The following CNMD variants were observed in gnomAD, a reference collection of about 807,000 sequenced individuals.
CNMD encodes the protein leukocyte cell-derived chemotaxin 1.
Under a neutral mutation model 37.5 loss-of-function variants are expected in CNMD, and 30 were observed. That is an observed-to-expected ratio of 0.80 (90% CI 0.60 to 1.09). The LOEUF is 1.09. Among genes scored for constraint, CNMD ranks in the 50% least tolerant of loss-of-function variants. The pLI is 0.00. For synonymous variants in CNMD, 167 were observed against 148.2 expected, an observed-to-expected ratio of 1.13 and a Z score of -0.92; for missense variants, 398 against 423.9, an observed-to-expected ratio of 0.94 and a Z score of 0.54.
Position 52,703,526 on chromosome 13 carries a change from G to A in CNMD, c.*69C>T. ...TTTGTGGTCCTATCAGCATCAACCT[G>A]CCTTAATGCTTCTTTGGTTGTCTCT... On this transcript the variant is annotated 3_prime_UTR_variant, in exon 7 of 7. Coordinates refer to ENST00000377962, the MANE Select transcript of CNMD (RefSeq NM_007015.3). 1 of 1,101,346 alleles carries A rather than the reference G, an allele frequency of 9.1e-7. No homozygotes were observed. Among genetic ancestry groups the A allele is most frequent in the Non-Finnish European group, 1.4e-6 (1 of 728,332 alleles). 68.2% of individuals were successfully genotyped at this position (1,101,346 alleles called of 1,614,324 possible).
intron 3 of CNMD, among the ~76,000 whole-genome samples, chr13:52,726,681 G>A (rs1210998851): frequency 6.6e-6 from 1 of 152,004 alleles, no homozygotes; most frequent in African/African-American, 2.4e-5. Flanking sequence ...GACACAGGAA[G>A]CATGAAAAAG....
intron 4 of CNMD, among the ~76,000 whole-genome samples, chr13:52,716,418 T>C (rs1015049145): frequency 3.9e-5 from 6 of 152,216 alleles, no homozygotes; most frequent in African/African-American, 1.4e-4. Context: ...CATGAAGTCT[T>C]TGCCCATGCC....
At chr13:52,733,837 T>C (rs759514116) in intron 2 of CNMD, among the ~76,000 whole-genome samples, 9 of 152,234 alleles carry the variant, frequency 5.9e-5, no homozygotes, top group Non-Finnish European at 1.2e-4. Flanking sequence ...ACGTCTGCAG[T>C]GGCACCTCAG....
chr13:52,726,481 TCA>T (rs1797120202), intron 3 of CNMD, among the ~76,000 whole-genome samples: 1 of 148,286 alleles, frequency 6.7e-6, no homozygotes, highest in African/African-American at 2.5e-5. Flanking sequence ...CCAAGAAAAA[TCA>T]CAGACACCAC....
In CNMD at chr13:52,708,709, A is replaced by T. The variant is rs773592232; in HGVS notation, c.623-7T>A. On this transcript the variant is annotated splice_region_variant and splice_polypyrimidine_tract_variant and intron_variant, in intron 5 of 6. Transcript: ENST00000377962. Reference sequence around the variant, plus strand: ...CTTCTTTCCCTCTGGATTTCTGCAAAAATTTCTGTAAATTAATCCCTTTAT... The same window carrying T: ...CTTCTTTCCCTCTGGATTTCTGCAATAATTTCTGTAAATTAATCCCTTTAT... 9 of 1,581,124 alleles carry T rather than the reference A, an allele frequency of 5.7e-6. No homozygotes were observed. The Admixed American group carries it at 1.7e-4, about 30-fold the overall frequency.
chr13:52,712,418 T>G (rs1276110945), intron 5 of CNMD, among the ~76,000 whole-genome samples: 1 of 152,170 alleles, frequency 6.6e-6, no homozygotes, highest in African/African-American at 2.4e-5. Context: ...ACAACTGAGA[T>G]AAAGGGGCAG....
chr13:52,728,493 C>A (rs958930866), intron 3 of CNMD, among the ~76,000 whole-genome samples: 8 of 152,214 alleles, frequency 5.3e-5, no homozygotes, highest in African/African-American at 1.9e-4. Context: ...TTCTAACAAG[C>A]CAAGTGATGC....
intron 2 of CNMD, 107 bp downstream of exon 2, chr13:52,738,924 G>A: frequency 3.6e-6 from 4 of 1,105,578 alleles, no homozygotes; most frequent in Non-Finnish European, 3.5e-6. Flanking sequence ...CGCTGGGCCC[G>A]AGGGGCCCGC....
At chr13:52,715,225 A>G (rs1048169295) in intron 4 of CNMD, among the ~76,000 whole-genome samples, 2 of 152,026 alleles carry the variant, frequency 1.3e-5, no homozygotes, top group African/African-American at 4.8e-5. Context: ...ACTAGGTCTT[A>G]TTTAGTTTTT....
intron 2 of CNMD, among the ~76,000 whole-genome samples, chr13:52,735,288 G>A (rs981106674): frequency 6.6e-6 from 1 of 152,144 alleles, no homozygotes; most frequent in African/African-American, 2.4e-5. Context: ...GTGTTCATAT[G>A]GGTCAGTGAT....
intron 4 of CNMD, among the ~76,000 whole-genome samples, chr13:52,713,498 T>C (rs1964324304): frequency 1.3e-5 from 2 of 152,212 alleles, no homozygotes; most frequent in Admixed American, 6.5e-5. Context: ...GGAGACAAAT[T>C]TATCCTGCCA....
chr13:52,708,053 C>T (rs1964218056), intron 6 of CNMD, among the ~76,000 whole-genome samples: 1 of 151,938 alleles, frequency 6.6e-6, no homozygotes, highest in South Asian at 2.1e-4. Context: ...AGGCGATTCC[C>T]AGGCAGTGAA....
intron 6 of CNMD, among the ~76,000 whole-genome samples, chr13:52,704,368 A>G (rs1398508071): frequency 6.6e-6 from 1 of 152,202 alleles, no homozygotes; most frequent in Non-Finnish European, 1.5e-5. Flanking sequence ...TGGGGATGTT[A>G]TCTCTATAGG....
chr13:52,722,209 CAG>C (rs769365744), intron 4 of CNMD, among the ~76,000 whole-genome samples: 3 of 152,018 alleles, frequency 2.0e-5, no homozygotes, highest in Non-Finnish European at 2.9e-5. Context: ...GGATGGGAAA[CAG>C]AGTAGAAAAG....
At chr13:52,711,302 G>A (rs114815631) in intron 5 of CNMD, among the ~76,000 whole-genome samples, 1 of 152,160 alleles carries the variant, frequency 6.6e-6, no homozygotes, top group African/African-American at 2.4e-5. Context: ...GCGACAGAAA[G>A]TAAGAAGGCC....
intron 4 of CNMD, among the ~76,000 whole-genome samples, chr13:52,723,178 A>G (rs1179199848): frequency 6.6e-6 from 1 of 152,008 alleles, no homozygotes; most frequent in Non-Finnish European, 1.5e-5. Flanking sequence ...TGCAGCCTCA[A>G]TCTCCTGGGC....
intron 3 of CNMD, among the ~76,000 whole-genome samples, chr13:52,726,510 TAA>T (rs79307237): frequency 8.5e-4 from 116 of 136,022 alleles, no homozygotes; most frequent in African/African-American, 2.9e-3. Context: ...TGTTTACAGC[TAA>T]AAAAAAAAAA....
In CNMD at chr13:52,739,282, G is replaced by A; in HGVS notation, c.73-111C>T. On this transcript the variant is annotated intron_variant, in intron 1 of 6. Coordinates refer to ENST00000377962, the MANE Select transcript of CNMD (RefSeq NM_007015.3). This position sits in a 1 kb window ranked among gnomAD's most constrained non-coding sequence, Gnocchi z 5.4. Reference sequence around the variant, plus strand: ...CCCCAGGGAGTGGGGAGTCGGGCGGGAAACAGCTCGCCCGGGCTCCTACGG... The same window carrying A: ...CCCCAGGGAGTGGGGAGTCGGGCGGAAAACAGCTCGCCCGGGCTCCTACGG... 7.9e-7 allele frequency: 1 copy of A among 1,272,294 alleles called. No homozygotes were observed. Among genetic ancestry groups the A allele is most frequent in the Non-Finnish European group, 1.0e-6 (1 of 964,764 alleles). The allele number at this position is 1,272,294 out of a possible 1,614,324, so 78.8% of individuals were successfully genotyped here.
At chr13:52,737,882 A>C (rs1964798481) in intron 2 of CNMD, among the ~76,000 whole-genome samples, 2 of 152,272 alleles carry the variant, frequency 1.3e-5, no homozygotes, top group Non-Finnish European at 1.5e-5. Flanking sequence ...ATACAGTGCA[A>C]TTCTGATCTT....
Sources: gnomAD v4.1 joint callset for allele counts (sites outside exome capture counted in the v4.1 genomes callset) on GRCh38, gnomAD v4.1.1 for gene constraint, Gnocchi (gnomAD v3.1) non-coding constraint, MANE v1.5 for transcripts, NCBI Gene and HGNC (gene_info 2026-07-23, HGNC 2026-07-21) for gene names.